CCSER1: variants seen among roughly 807,000 people sequenced by gnomAD.
CCSER1 encodes the protein coiled-coil serine rich protein 1.
In CCSER1, 41 loss-of-function variants were observed where a neutral mutation model predicts 82.0. That is an observed-to-expected ratio of 0.50 (90% CI 0.39 to 0.65). The LOEUF (loss-of-function observed/expected upper bound fraction) is 0.65, where lower values mean the gene tolerates loss of function less well. Among genes scored for constraint, CCSER1 ranks in the 30% least tolerant of loss-of-function variants. CCSER1 has a pLI of 0.00. For synonymous variants in CCSER1, 414 were observed against 383.9 expected (o/e 1.08, Z -0.92); for missense variants, 1,119 against 1,064.2 (o/e 1.05, Z -0.72).
rs533788104 is a variant in CCSER1, at chr4:91,342,035, A to G, written c.2217+256041A>G. Among the ~76,000 whole-genome samples, 12 of 152,316 alleles carry G rather than the reference A, an allele frequency of 7.9e-5. No individual in the cohort carries two copies. In the East Asian group the frequency reaches 2.3e-3, roughly 29 times the overall value. On this transcript the variant is annotated intron_variant, in intron 10 of 10. Coordinates refer to ENST00000509176, the MANE Select transcript of CCSER1 (RefSeq NM_001145065.2). ...TGCAATTAAATCTAATCAGAGGGTA[A>G]AAGTTTAAATTCTGTATTTCTGTCA...
chr4:91,007,050 T>C (rs146255322), intron 9 of CCSER1, among the ~76,000 whole-genome samples: 385 of 152,332 alleles, frequency 2.5e-3, no homozygotes, highest in African/African-American at 8.5e-3. Context: ...TTTTTGTCCT[T>C]TATTCTGTTA....
At chr4:90,129,133 C>A (rs1722385523) in intron 1 of CCSER1, among the ~76,000 whole-genome samples, 1 of 152,186 alleles carries the variant, frequency 6.6e-6, no homozygotes, top group African/African-American at 2.4e-5. Flanking sequence ...ATGTAACACA[C>A]ATCCTCCCTT....
rs570704817 is a variant in CCSER1 at position 91,409,845 on chromosome 4, G to C, written c.2218-188727G>C. Among the ~76,000 whole-genome samples, 5 of 152,196 alleles carry C rather than the reference G, an allele frequency of 3.3e-5. No homozygotes were observed. In the South Asian group the frequency reaches 1.0e-3, roughly 32 times the overall value. Reference sequence around the variant, plus strand: ...TCACAGGCGCCTGCCACCATGACTGGCTAATTTTTGTATTTTTAGTAGAGA... The same window carrying C: ...TCACAGGCGCCTGCCACCATGACTGCCTAATTTTTGTATTTTTAGTAGAGA... On this transcript the variant is annotated intron_variant, in intron 10 of 10. Transcript: ENST00000509176.
Position 90,829,646 on chromosome 4 carries a change from G to A in CCSER1, c.2094+13801G>A, listed in dbSNP as rs192455937. ...GGCAAGTTTCAGAGCAGGAGTGGAA[G>A]TTTCTTTAAAAAGTCTTTAGAACAT... On this transcript the variant is annotated intron_variant, in intron 8 of 10. Coordinates refer to ENST00000509176, the MANE Select transcript of CCSER1 (RefSeq NM_001145065.2). 1.6e-3 allele frequency among the ~76,000 whole-genome samples: 241 copies of A among 152,208 alleles called. 2 individuals carry two copies. The highest frequency in any genetic ancestry group is 5.6e-3 in the African/African-American group (232 of 41,558).
At chr4:91,202,359 T>G (rs1181968755) in intron 10 of CCSER1, among the ~76,000 whole-genome samples, 1 of 151,990 alleles carries the variant, frequency 6.6e-6, no homozygotes, top group African/African-American at 2.4e-5. Flanking sequence ...CACCTCCCTC[T>G]TTTAGTCCAC....
intron 10 of CCSER1, among the ~76,000 whole-genome samples, chr4:91,483,861 A>C (rs562618408): frequency 2.2e-4 from 33 of 152,294 alleles, no homozygotes; most frequent in Admixed American, 1.5e-3. Flanking sequence ...TAAATATTCT[A>C]GTTCTAGGGA....
chr4:90,137,880 T>TAG (rs1578144971), intron 1 of CCSER1, among the ~76,000 whole-genome samples: 2 of 152,234 alleles, frequency 1.3e-5, no homozygotes, highest in East Asian at 3.8e-4. Flanking sequence ...TGGCTTATTC[T>TAG]AGTAGGCCCT....
At chr4:91,340,613 T>C (rs944273490) in intron 10 of CCSER1, among the ~76,000 whole-genome samples, 21 of 152,186 alleles carry the variant, frequency 1.4e-4, no homozygotes, top group African/African-American at 5.1e-4. Context: ...ATTTGGTATG[T>C]GGTGAAGTTA....
intron 10 of CCSER1, among the ~76,000 whole-genome samples, chr4:91,254,960 A>G (rs1740565060): frequency 6.6e-6 from 1 of 152,046 alleles, no homozygotes; most frequent in Non-Finnish European, 1.5e-5. Context: ...TATTATCTCT[A>G]TGATTTTTAC....
chr4:91,201,707 T>C (rs1315071770), intron 10 of CCSER1, among the ~76,000 whole-genome samples: 1 of 152,012 alleles, frequency 6.6e-6, no homozygotes, highest in Admixed American at 6.6e-5. Context: ...ATATTCTTAG[T>C]GTATTGGTTG....
intron 6 of CCSER1, among the ~76,000 whole-genome samples, chr4:90,630,219 C>T (rs557463756): frequency 6.6e-6 from 1 of 152,112 alleles, no homozygotes; most frequent in Non-Finnish European, 1.5e-5. Flanking sequence ...TAACATGCAA[C>T]CTGATCCTCT....
chr4:90,684,913 G>T (rs756379855), intron 6 of CCSER1, among the ~76,000 whole-genome samples: 1 of 152,136 alleles, frequency 6.6e-6, no homozygotes, highest in Non-Finnish European at 1.5e-5. Context: ...CTTCCGCCAT[G>T]ATTGTGAGGC....
At chr4:90,245,406 C>T (rs1721241760) in intron 1 of CCSER1, among the ~76,000 whole-genome samples, 1 of 151,352 alleles carries the variant, frequency 6.6e-6, no homozygotes, top group Non-Finnish European at 1.5e-5. Context: ...GGTAGCTGAC[C>T]CCTTCTCTAA....
intron 4 of CCSER1, among the ~76,000 whole-genome samples, chr4:90,450,889 C>T (rs1040062331): frequency 1.3e-5 from 2 of 152,242 alleles, no homozygotes; most frequent in East Asian, 3.9e-4. Context: ...TAAATCAGAG[C>T]TTTTTCAGTC....
chr4:90,709,132 A>T (rs1739995856), intron 6 of CCSER1, among the ~76,000 whole-genome samples: 1 of 152,202 alleles, frequency 6.6e-6, no homozygotes, highest in African/African-American at 2.4e-5. Flanking sequence ...AAATTTATTC[A>T]TTCCATATAA....
chr4:90,949,506 A>G (rs928236857), intron 9 of CCSER1, among the ~76,000 whole-genome samples: 2 of 152,180 alleles, frequency 1.3e-5, no homozygotes, highest in Admixed American at 1.3e-4. Flanking sequence ...TCAGGGGGCA[A>G]CACCATCTAA....
chr4:90,818,783 G>A (rs1312592001), intron 8 of CCSER1, among the ~76,000 whole-genome samples: 1 of 152,106 alleles, frequency 6.6e-6, no homozygotes, highest in Non-Finnish European at 1.5e-5. Flanking sequence ...ATTGCCTCCA[G>A]GTGAGAACCA....
chr4:91,218,566 A>G (rs1351484517), intron 10 of CCSER1, among the ~76,000 whole-genome samples: 1 of 152,204 alleles, frequency 6.6e-6, no homozygotes, highest in Non-Finnish European at 1.5e-5. Context: ...ACTGATTTTT[A>G]TAGAAGCTTA....
intron 9 of CCSER1, among the ~76,000 whole-genome samples, chr4:90,943,174 T>C (rs938227626): frequency 1.3e-5 from 2 of 152,020 alleles, no homozygotes; most frequent in African/African-American, 4.8e-5. Flanking sequence ...AATTTCTGTG[T>C]ACATTTTCAC....
Sources: gnomAD v4.1 joint callset for allele counts (sites outside exome capture counted in the v4.1 genomes callset) on GRCh38, gnomAD v4.1.1 for gene constraint, MANE v1.5 for transcripts, NCBI Gene and HGNC (gene_info 2026-07-23, HGNC 2026-07-21) for gene names.